The following UROC1 variants were observed in gnomAD, a reference collection of about 807,000 sequenced individuals.
UROC1 encodes urocanate hydratase 1.
Under a neutral mutation model 89.5 loss-of-function variants are expected in UROC1, and 79 were observed. The observed-to-expected ratio is 0.88, with a 90% CI of 0.74 to 1.06. The LOEUF (loss-of-function observed/expected upper bound fraction) is 1.06. UROC1 is among the 50% of genes least tolerant of loss of function. The pLI, the probability that UROC1 is intolerant of heterozygous loss-of-function variation, is 0.00. For missense variants in UROC1, 885 were observed against 907.8 expected (o/e 0.97, Z 0.32); for synonymous variants, 361 against 354.8 (o/e 1.02, Z -0.20).
intron 16 of UROC1, among the ~76,000 whole-genome samples, chr3:126,491,404 A>G (rs116599896): frequency 1.3e-3 from 202 of 152,378 alleles, no homozygotes; most frequent in African/African-American, 4.6e-3. Context: ...GAATGGACAC[A>G]TGCTTACTGA....
At chr3:126,515,096 T>G (rs1936271041) in intron 1 of UROC1, among the ~76,000 whole-genome samples, 1 of 151,984 alleles carries the variant, frequency 6.6e-6, no homozygotes, top group Non-Finnish European at 1.5e-5. Flanking sequence ...AAAGCCCAGG[T>G]GGCCACTCCT....
chr3:126,501,412 C>A, intron 9 of UROC1, 132 bp from the exon 10 acceptor site: 2 of 1,077,610 alleles, frequency 1.9e-6, no homozygotes, highest in South Asian at 1.3e-5. Flanking sequence ...AACGTGGGGG[C>A]CATGGGGCTG....
At chr3:126,496,186 C>G in intron 14 of UROC1, 78 bp from the exon 15 acceptor site, 7 of 1,444,140 alleles carry the variant, frequency 4.8e-6, no homozygotes, top group Non-Finnish European at 6.7e-6. Context: ...CTCAGCTCAG[C>G]ACAGACCCTG....
In UROC1 at chr3:126,500,742, G is replaced by T. The variant is rs957520583; in HGVS notation, c.1098C>A (p.Ser366Arg). 6 of 1,613,948 alleles carry T rather than the reference G, an allele frequency of 3.7e-6. No homozygotes were observed. The highest frequency in any genetic ancestry group is 3.3e-4 in the Middle Eastern group (2 of 6,084). The change falls in exon 11 of 20, where the codon AGC becomes AGA. Residue 366 changes from serine (S) to arginine (R), a missense_variant. Coordinates refer to ENST00000290868, the MANE Select transcript of UROC1 (RefSeq NM_144639.3). ...PVQLSFTEAQSLMASNPAVFK... is the reference protein window; with the variant it reads ...PVQLSFTEAQRLMASNPAVFK... The stretch of plus-strand genomic sequence containing the variant: ...ACACAGCAGGGTTGGAGGCCATGAG[G>T]CTCTGGGCCTCCGTGAAGCTGAGCT...
chr3:126,517,000 C>T lies in UROC1; in HGVS notation c.126+594G>A, dbSNP rs991024257. Among the ~76,000 whole-genome samples the T allele has an allele frequency of 3.3e-5, 5 of 152,016 alleles. No individual in the cohort carries two copies. The South Asian group carries it at 1.0e-3, about 31-fold the overall frequency. On this transcript the variant is annotated intron_variant, in intron 1 of 19. Coordinates refer to ENST00000290868, the MANE Select transcript of UROC1 (RefSeq NM_144639.3). ...TTATTTCATTACTCTTCTCCACAAC[C>T]CCCTGGTGTCACCATTTTCATCTCA...
chr3:126,513,538 C>T (rs904258057), intron 1 of UROC1, among the ~76,000 whole-genome samples: 5 of 152,192 alleles, frequency 3.3e-5, no homozygotes, highest in East Asian at 3.9e-4. Context: ...TGCACATTGC[C>T]GCTCTCTGAC....
Position 126,503,917 on chromosome 3 carries a change from C to T in UROC1, c.902+78G>A, listed in dbSNP as rs188091649. ...CATTAAACAGGCCCACACCAAGCTG[C>T]CCCATGGGGGTCCTCTTGTGGTCTC... On this transcript the variant is annotated intron_variant, in intron 9 of 19. Transcript: ENST00000290868. 2,888 of 1,541,460 alleles carry T rather than the reference C, an allele frequency of 1.9e-3. 7 individuals are homozygous for T. The highest frequency in any genetic ancestry group is 2.4e-3 in the Non-Finnish European group (2,682 of 1,116,396).
intron 3 of UROC1, among the ~76,000 whole-genome samples, chr3:126,508,776 G>A (rs7621037): frequency 1.8e-4 from 27 of 152,136 alleles, no homozygotes; most frequent in East Asian, 5.8e-4. Flanking sequence ...GGTTTAGGGC[G>A]TTTCCACCTA....
At chr3:126,510,615 G>T (rs773461874) in intron 2 of UROC1, 49 bp downstream of exon 2, 1 of 1,608,046 alleles carries the variant, frequency 6.2e-7, no homozygotes, top group Non-Finnish European at 8.5e-7. Flanking sequence ...TCCCTTGCGG[G>T]AGCTGCCTGC....
chr3:126,482,555 C>T (rs574313608), intron 19 of UROC1, 70 bp from the exon 20 acceptor site: 56 of 1,610,346 alleles, frequency 3.5e-5, no homozygotes, highest in Middle Eastern at 1.7e-4. Context: ...TTGGCTCCCA[C>T]ACTTGGGGCC....
At position 126,500,845 on chromosome 3, in the gene UROC1, G is replaced by A. The variant is rs148567215; in HGVS notation, c.995C>T (p.Thr332Met). 35 of 1,613,844 alleles carry A rather than the reference G, an allele frequency of 2.2e-5. No individual in the cohort carries two copies. The highest frequency in any genetic ancestry group is 1.6e-4 in the Middle Eastern group (1 of 6,062). Residue 332 changes from threonine (T) to methionine (M), a missense_variant, in exon 11 of 20, where the codon ACG becomes ATG. By Grantham distance (81) the Thr-to-Met change is moderately conservative. Transcript: ENST00000290868. The part of the protein sequence containing the change: ...WERLVHELDT[T>M]GECLVDLGSD... The stretch of plus-strand genomic sequence containing the variant: ...CCCCAGGTCCACCAAGCACTCCCCC[G>A]TCGTGTCCAATTCGTGGACCAGGCG...
chr3:126,492,841 C>T (rs1002056491), intron 15 of UROC1, among the ~76,000 whole-genome samples: 3 of 152,212 alleles, frequency 2.0e-5, no homozygotes, highest in Admixed American at 2.0e-4. Flanking sequence ...AGGGAGGTTA[C>T]CTATTGCGAG....
chr3:126,510,917 C>T, intron 1 of UROC1, 123 bp from the exon 2 acceptor site: 1 of 1,427,010 alleles, frequency 7.0e-7, no homozygotes, highest in Non-Finnish European at 9.4e-7. Context: ...AGCCTGTTGC[C>T]CACCCAGAGA....
chr3:126,500,076 G>T lies in UROC1; in HGVS notation c.1224C>A (p.Leu408=). 1 of 1,613,618 alleles carries T rather than the reference G, an allele frequency of 6.2e-7. No homozygotes were observed. Among genetic ancestry groups the T allele is most frequent in the Non-Finnish European group, 8.5e-7 (1 of 1,179,976 alleles). The change falls in exon 12 of 20, where the codon CTC becomes CTA. Residue 408 remains leucine (L), a synonymous_variant. Transcript: ENST00000290868. The part of the protein sequence containing the change: ...FFFWDYGNAF[L]LEAQRAGADV... ...TCCTACCTGCTCTCTGGGCCTCCAA[G>T]AGGAAGGCATTGCCGTAGTCCCAGA... is the stretch of plus-strand genomic sequence containing the variant.
chr3:126,509,551 G>C (rs1055876458), intron 3 of UROC1, 34 bp downstream of exon 3: 1 of 1,515,690 alleles, frequency 6.6e-7, no homozygotes, highest in African/African-American at 1.4e-5. Context: ...GTTTCTGCTG[G>C]ACAGTGCTGG....
intron 18 of UROC1, among the ~76,000 whole-genome samples, chr3:126,487,540 A>C (rs1010273014): frequency 6.6e-6 from 1 of 152,044 alleles, no homozygotes; most frequent in African/African-American, 2.4e-5. Context: ...ATCCGGCCAA[A>C]ATAGGCTCAG....
At chr3:126,499,296 G>A (rs1935853425) in intron 13 of UROC1, 41 bp downstream of exon 13, 1 of 1,599,848 alleles carries the variant, frequency 6.3e-7, no homozygotes, top group South Asian at 1.1e-5. Context: ...GGGCAGGGGT[G>A]GCACTGGGCA....
intron 9 of UROC1, chr3:126,502,094 G>T: frequency 2.5e-6 from 2 of 803,224 alleles, no homozygotes; most frequent in Non-Finnish European, 3.7e-6. Context: ...ATGTGTGGAT[G>T]TGCATGCATT....
chr3:126,487,721 G>A (rs1022435870), intron 18 of UROC1, among the ~76,000 whole-genome samples: 2 of 152,238 alleles, frequency 1.3e-5, no homozygotes, highest in Non-Finnish European at 2.9e-5. Flanking sequence ...GCTGGGAGCC[G>A]AGGGGAGAGG....
Sources: gnomAD v4.1 joint callset for allele counts (sites outside exome capture counted in the v4.1 genomes callset) on GRCh38, gnomAD v4.1.1 for gene constraint, MANE v1.5 for transcripts, NCBI Gene and HGNC (gene_info 2026-07-23, HGNC 2026-07-21) for gene names.